The following GNB3 variants were observed in gnomAD, a reference collection of about 807,000 sequenced individuals.
GNB3 encodes the protein guanine nucleotide-binding protein G(I)/G(S)/G(T) subunit beta-3.
Under a neutral mutation model 41.2 loss-of-function variants are expected in GNB3, and 33 were observed. That is an observed-to-expected ratio of 0.80 (90% confidence interval 0.61 to 1.07). The LOEUF is 1.07. GNB3 is among the 50% of genes least tolerant of loss of function. GNB3 has a pLI of 0.00. For synonymous variants in GNB3, 172 were observed against 173.4 expected (o/e 0.99, Z 0.06); for missense variants, 409 against 455.3 (o/e 0.90, Z 0.92).
Position 6,843,435 on chromosome 12 carries a change from T to C in GNB3, c.340T>C (p.Cys114Arg). 1 of 1,614,054 alleles carries C rather than the reference T, an allele frequency of 6.2e-7. No individual in the cohort carries two copies. The highest frequency in any genetic ancestry group is 8.5e-7 in the Non-Finnish European group (1 of 1,179,928). Residue 114 changes from cysteine to arginine, a missense_variant, in exon 6 of 10, where the codon TGT becomes CGT. Cys to Arg is a radical substitution (Grantham distance 180). Transcript: ENST00000229264. This position sits in a 1 kb window ranked among gnomAD's most constrained non-coding sequence, Gnocchi z 5.9. ...TGCCCCATCAGGGAACTTTGTGGCA[T>C]GTGGGGGGCTGGACAACATGTGTTC... ...AYAPSGNFVA[C>R]GGLDNMCSIY...
rs5443 is a variant in GNB3, at chr12:6,845,711, C to T, written c.825C>T (p.Ser275=). The T allele has an allele frequency of 0.34, 543,102 of 1,613,364 alleles. 100,362 individuals are homozygous for T. The highest frequency in any genetic ancestry group is 0.75 in the African/African-American group (56,185 of 74,964). Reference sequence around the variant, plus strand: ...AGAGCATCATCTGCGGCATCACGTCCGTGGCCTTCTCCCTCAGTGGCCGCC... The same window carrying T: ...AGAGCATCATCTGCGGCATCACGTCTGTGGCCTTCTCCCTCAGTGGCCGCC... ...SHESIICGIT[S]VAFSLSGRLL... Residue 275 remains serine, a synonymous_variant, in exon 9 of 10, where the codon TCC becomes TCT. Coordinates refer to ENST00000229264, the MANE Select transcript of GNB3 (RefSeq NM_002075.4).
At position 6,840,955 on chromosome 12, in the gene GNB3, C is replaced by A. The variant is rs782027702; in HGVS notation, c.-109C>A. On this transcript the variant is annotated 5_prime_UTR_variant, in exon 1 of 10. Transcript: ENST00000229264. ...AGCCTGGGCAGGTGACGGGCGGGCGCGGGCGTCGCAGCTGAGGGAGTAAGG... is the reference window on the plus strand; with the variant it reads ...AGCCTGGGCAGGTGACGGGCGGGCGAGGGCGTCGCAGCTGAGGGAGTAAGG... 5.2e-6 allele frequency: 2 copies of A among 382,052 alleles called. No homozygotes were observed. The highest frequency in any genetic ancestry group is 9.6e-6 in the Non-Finnish European group (2 of 208,562). The allele number at this position is 382,052 out of a possible 1,614,324, so 23.7% of individuals were successfully genotyped here.
At chr12:6,841,892 C>T (rs929451165) in intron 3 of GNB3, 4 of 650,528 alleles carry the variant, frequency 6.1e-6, no homozygotes, top group Admixed American at 2.1e-5. Context: ...GATGAAGAAG[C>T]GATAGTACTT....
At chr12:6,841,202 G>A in intron 1 of GNB3, 56 bp from the exon 2 acceptor site, 2 of 1,146,266 alleles carry the variant, frequency 1.7e-6, no homozygotes, top group Non-Finnish European at 2.6e-6. Context: ...GGGCACGAAG[G>A]GCAGAAGCAC....
chr12:6,842,437 G>A (rs1243146555), intron 3 of GNB3, among the ~76,000 whole-genome samples: 3 of 152,150 alleles, frequency 2.0e-5, no homozygotes, highest in Non-Finnish European at 4.4e-5. Context: ...TGCAAGTGAT[G>A]GCAAATCAAG....
At chr12:6,842,450 T>G (rs1555123591) in intron 3 of GNB3, among the ~76,000 whole-genome samples, 1 of 152,232 alleles carries the variant, frequency 6.6e-6, no homozygotes, top group Non-Finnish European at 1.5e-5. Flanking sequence ...AAATCAAGTC[T>G]GTTCACTCTG....
intron 8 of GNB3, 95 bp downstream of exon 8, chr12:6,844,073 C>T (rs1229154361): frequency 2.3e-5 from 16 of 706,156 alleles, no homozygotes; most frequent in Non-Finnish European, 3.4e-5. Context: ...CCCATAGCTT[C>T]CCTAGCCCTT....
chr12:6,845,460 G>A lies in GNB3; in HGVS notation c.700-126G>A, dbSNP rs2301339. The A allele has an allele frequency of 0.36, 236,223 of 656,438 alleles. 48,554 individuals are homozygous for A. The highest frequency in any genetic ancestry group is 0.74 in the African/African-American group (41,073 of 55,700). 40.7% of individuals were successfully genotyped at this position (656,438 alleles called of 1,614,324 possible). ...GGCTGCTTCTCACCCCAAACCAAGG[G>A]AGGGACAGGCAGGGAGGCTGAGAGC... On this transcript the variant is annotated intron_variant, in intron 8 of 9. Coordinates refer to ENST00000229264, the MANE Select transcript of GNB3 (RefSeq NM_002075.4).
At position 6,845,578 on chromosome 12, in the gene GNB3, G is replaced by A. The variant is rs781992146; in HGVS notation, c.700-8G>A. 6.3e-7 allele frequency: 1 copy of A among 1,599,626 alleles called. No homozygotes were observed. Among genetic ancestry groups the A allele is most frequent in the South Asian group, 1.1e-5 (1 of 90,966 alleles). On this transcript the variant is annotated splice_region_variant and splice_polypyrimidine_tract_variant and intron_variant, in intron 8 of 9. Transcript: ENST00000229264. ...GATCCCTGACCCACTTGCCACCCGT[G>A]CCCTCAGTTCTTCCCCAATGGAGAG...
chr12:6,841,542 C>A lies in GNB3; in HGVS notation c.58-44C>A. On this transcript the variant is annotated intron_variant, in intron 2 of 9. Transcript: ENST00000229264. ...GCCCTGAAGGCCCATGCACCTGCCACCCCCACCTCGCCCTTGCTCCCCTGA... is the reference window on the plus strand; with the variant it reads ...GCCCTGAAGGCCCATGCACCTGCCAACCCCACCTCGCCCTTGCTCCCCTGA... 1.9e-6 allele frequency: 3 copies of A among 1,559,274 alleles called. No homozygotes were observed. In the South Asian group the frequency reaches 3.5e-5, roughly 18 times the overall value.
At chr12:6,841,655 C>A (rs376340505) in intron 3 of GNB3, 31 bp downstream of exon 3, 378 of 1,578,330 alleles carry the variant, frequency 2.4e-4, no homozygotes, top group Non-Finnish European at 2.8e-4. Context: ...GAAGGCAGGG[C>A]ATGGGGGGAG....
At chr12:6,841,646 A>G in intron 3 of GNB3, 22 bp downstream of exon 3, 1 of 1,596,962 alleles carries the variant, frequency 6.3e-7, no homozygotes, top group Non-Finnish European at 8.6e-7. Flanking sequence ...TGTCCCCCGG[A>G]AGGCAGGGCA....
rs1202622434 is a variant in GNB3, at chr12:6,841,960, C to T, written c.96+336C>T. 2.5e-5 allele frequency: 11 copies of T among 447,500 alleles called. No individual in the cohort carries two copies. In the East Asian group the frequency reaches 5.4e-4, roughly 22 times the overall value. 27.7% of individuals were successfully genotyped at this position (447,500 alleles called of 1,614,324 possible). A position where few individuals can be genotyped will look rare whatever the true frequency, so the allele number is the denominator to read the frequency against. Reference sequence around the variant, plus strand: ...GCTAGTTTTCTATGCTGTATTTTGTCAATTCTAAGATGCACATTTCTTCAC... The same window carrying T: ...GCTAGTTTTCTATGCTGTATTTTGTTAATTCTAAGATGCACATTTCTTCAC... On this transcript the variant is annotated intron_variant, in intron 3 of 9. Transcript: ENST00000229264.
In GNB3 at chr12:6,844,092, TA is replaced by T. The variant is rs1482567541; in HGVS notation, c.699+115del. ...TAGCTTCCCTAGCCCTTTCTTACTG[TA>T]TTTTTTTTTTTTTTTTTTTTTTTTT... On this transcript the variant is annotated intron_variant, in intron 8 of 9. Transcript: ENST00000229264. 5,480 of 334,698 alleles carry T rather than the reference TA, an allele frequency of 0.016. 928 individuals are homozygous for T. The highest frequency in any genetic ancestry group is 0.16 in the African/African-American group (2,510 of 15,548). The allele number at this position is 334,698 out of a possible 1,614,324, so 20.7% of individuals were successfully genotyped here.
At chr12:6,841,221 G>A in intron 1 of GNB3, 37 bp from the exon 2 acceptor site, 2 of 1,331,850 alleles carry the variant, frequency 1.5e-6, no homozygotes, top group East Asian at 2.4e-5. Context: ...ACAGCCTGGT[G>A]GGGGGTTCCT....
At chr12:6,846,131 C>T (rs1210170420) in intron 9 of GNB3, 2 of 331,936 alleles carry the variant, frequency 6.0e-6, no homozygotes, top group Non-Finnish European at 1.1e-5. Context: ...CTCAGGGAAA[C>T]ATGGAATCAA....
chr12:6,845,643 T>C lies in GNB3; in HGVS notation c.757T>C (p.Phe253Leu). The change falls in exon 9 of 10, where the codon TTT becomes CTT. Residue 253 changes from phenylalanine to leucine, a missense_variant. Physicochemically the swap from Phe to Leu is conservative, Grantham distance 22 (BLOSUM62 0). Transcript: ENST00000229264. ...TGSDDASCRL[F>L]DLRADQELIC... Reference sequence around the variant, plus strand: ...CTCGGATGACGCTTCCTGCCGCTTGTTTGACCTGCGGGCAGACCAGGAGCT... The same window carrying C: ...CTCGGATGACGCTTCCTGCCGCTTGCTTGACCTGCGGGCAGACCAGGAGCT... 6.2e-7 allele frequency: 1 copy of C among 1,613,874 alleles called. No individual in the cohort carries two copies. Among genetic ancestry groups the C allele is most frequent in the Non-Finnish European group, 8.5e-7 (1 of 1,179,966 alleles).
In GNB3 at chr12:6,840,950, G is replaced by A. The variant is rs1235849111; in HGVS notation, c.-114G>A. On this transcript the variant is annotated 5_prime_UTR_variant, in exon 1 of 10. Coordinates refer to ENST00000229264, the MANE Select transcript of GNB3 (RefSeq NM_002075.4). ...AGCAGAGCCTGGGCAGGTGACGGGC[G>A]GGCGCGGGCGTCGCAGCTGAGGGAG... The A allele has an allele frequency of 1.1e-5, 4 of 364,056 alleles. No homozygotes were observed. Among genetic ancestry groups the A allele is most frequent in the South Asian group, 6.0e-5 (2 of 33,420 alleles). The allele number at this position is 364,056 out of a possible 1,614,324, so 22.6% of individuals were successfully genotyped here.
chr12:6,846,008 C>G (rs1362661837), intron 9 of GNB3: 5 of 579,568 alleles, frequency 8.6e-6, no homozygotes, highest in Non-Finnish European at 1.5e-5. Flanking sequence ...CAGCCTCTCT[C>G]CACTGCCCAA....
Sources: gnomAD v4.1 joint callset for allele counts (sites outside exome capture counted in the v4.1 genomes callset) on GRCh38, gnomAD v4.1.1 for gene constraint, Gnocchi (gnomAD v3.1) non-coding constraint, MANE v1.5 for transcripts, NCBI Gene and HGNC (gene_info 2026-07-23, HGNC 2026-07-21) for gene names.